The following SLC35F3 variants were observed in gnomAD, a reference collection of about 807,000 sequenced individuals.
The protein encoded by SLC35F3 is solute carrier family 35 member F3, also known as putative thiamine transporter SLC35F3.
SLC35F3 carries 25 observed loss-of-function variants against 49.9 expected under a neutral mutation model. The observed-to-expected ratio is 0.50, with a 90% confidence interval of 0.37 to 0.70. The LOEUF (loss-of-function observed/expected upper bound fraction) is 0.70, where lower values mean the gene tolerates loss of function less well. Ranked by LOEUF, SLC35F3 falls within the 30% of genes least tolerant of loss-of-function variation. The pLI is 0.00. For missense variants in SLC35F3, 525 were observed against 639.8 expected (o/e 0.82, Z 1.94); for synonymous variants, 275 against 265.4 (o/e 1.04, Z -0.35).
chr1:234,096,664 C>A (rs768395526), intron 2 of SLC35F3, among the ~76,000 whole-genome samples: 1 of 152,024 alleles, frequency 6.6e-6, no homozygotes, highest in Non-Finnish European at 1.5e-5. Flanking sequence ...GAGCTAGATT[C>A]TTAGTCTGAA....
intron 2 of SLC35F3, among the ~76,000 whole-genome samples, chr1:233,980,558 C>G (rs1296342310): frequency 6.6e-6 from 1 of 152,214 alleles, no homozygotes; most frequent in African/African-American, 2.4e-5. Flanking sequence ...ATTGGCTCTT[C>G]TTCTGGCCCT....
At chr1:234,144,060 C>T (rs1368566938) in intron 2 of SLC35F3, among the ~76,000 whole-genome samples, 1 of 151,276 alleles carries the variant, frequency 6.6e-6, no homozygotes, top group Non-Finnish European at 1.5e-5. Flanking sequence ...AGGATGAATG[C>T]TGGTACTCCA....
At chr1:234,107,597 C>T (rs142898869) in intron 2 of SLC35F3, among the ~76,000 whole-genome samples, 19 of 151,834 alleles carry the variant, frequency 1.3e-4, no homozygotes, top group Admixed American at 3.3e-4. Flanking sequence ...AGATGAAGCA[C>T]CCTAAAGCAG....
chr1:234,092,755 C>G (rs1665063053), intron 2 of SLC35F3, among the ~76,000 whole-genome samples: 1 of 152,136 alleles, frequency 6.6e-6, no homozygotes, highest in South Asian at 2.1e-4. Flanking sequence ...ATAGTCCCAG[C>G]TACTCGGGAA....
At chr1:234,228,762 A>G (rs1667324940) in intron 2 of SLC35F3, among the ~76,000 whole-genome samples, 1 of 152,188 alleles carries the variant, frequency 6.6e-6, no homozygotes, top group South Asian at 2.1e-4. Flanking sequence ...TGTGTGTTGC[A>G]CAGACACAAA....
chr1:233,955,688 G>A (rs762952067), intron 2 of SLC35F3, among the ~76,000 whole-genome samples: 65 of 151,248 alleles, frequency 4.3e-4, no homozygotes, highest in African/African-American at 6.6e-4. Context: ...GCCTCTGATC[G>A]TTCACACTGA....
intron 2 of SLC35F3, among the ~76,000 whole-genome samples, chr1:234,146,750 G>A (rs1043520909): frequency 1.3e-5 from 2 of 151,996 alleles, no homozygotes; most frequent in African/African-American, 4.8e-5. Context: ...CCGACTTCAG[G>A]TAATCCACCC....
At chr1:234,232,079 G>T (rs1667387991) in intron 3 of SLC35F3, among the ~76,000 whole-genome samples, 1 of 152,170 alleles carries the variant, frequency 6.6e-6, no homozygotes, top group South Asian at 2.1e-4. Flanking sequence ...CAGCAAGCTT[G>T]GGGTGAGGAC....
intron 3 of SLC35F3, among the ~76,000 whole-genome samples, chr1:234,297,161 G>A (rs574822836): frequency 1.2e-4 from 18 of 152,314 alleles, no homozygotes; most frequent in Non-Finnish European, 2.2e-4. Flanking sequence ...ACAAGTGTTA[G>A]TGATAATATG....
intron 2 of SLC35F3, among the ~76,000 whole-genome samples, chr1:234,032,913 G>A (rs12752490): frequency 0.14 from 21,900 of 152,022 alleles, 1,747 homozygotes; most frequent in Non-Finnish European, 0.19. Flanking sequence ...ATGGTAGATC[G>A]ACTTTTATTT....
intron 2 of SLC35F3, among the ~76,000 whole-genome samples, chr1:234,093,453 G>A (rs1665074008): frequency 6.6e-6 from 1 of 152,144 alleles, no homozygotes; most frequent in Non-Finnish European, 1.5e-5. Flanking sequence ...CCTACCTTGA[G>A]GCTTTTGTTT....
At chr1:234,041,012 G>A (rs554745051) in intron 2 of SLC35F3, among the ~76,000 whole-genome samples, 57 of 152,144 alleles carry the variant, frequency 3.7e-4, no homozygotes, top group African/African-American at 1.3e-3. Context: ...ACCTTTCATG[G>A]GTAGAAACAC....
At chr1:233,916,770 C>T (rs1661979288) in intron 2 of SLC35F3, among the ~76,000 whole-genome samples, 1 of 152,160 alleles carries the variant, frequency 6.6e-6, no homozygotes, top group Non-Finnish European at 1.5e-5. Flanking sequence ...GAATATTTTT[C>T]AGCAGGACAC....
chr1:234,320,950 C>T lies in SLC35F3; in HGVS notation c.1237+763C>T, dbSNP rs1317444311. ...CAGAAAAGGGCTGTGAATCTGTCCTCCCCAGAACACTCACTCCTTTGTCCC... is the reference window on the plus strand; with the variant it reads ...CAGAAAAGGGCTGTGAATCTGTCCTTCCCAGAACACTCACTCCTTTGTCCC... On this transcript the variant is annotated intron_variant, in intron 7 of 7. Coordinates refer to ENST00000366618, the MANE Select transcript of SLC35F3 (RefSeq NM_173508.4). The surrounding 1 kb of genome is among the most constrained non-coding windows in gnomAD (Gnocchi z 4.8). Among the ~76,000 whole-genome samples the T allele has an allele frequency of 6.6e-6, 1 of 152,154 alleles. No homozygotes were observed. Among genetic ancestry groups the T allele is most frequent in the Non-Finnish European group, 1.5e-5 (1 of 68,024 alleles).
chr1:234,253,253 G>A (rs1667765634), intron 3 of SLC35F3, among the ~76,000 whole-genome samples: 1 of 152,054 alleles, frequency 6.6e-6, no homozygotes, highest in Non-Finnish European at 1.5e-5. Context: ...TTGAACCCGG[G>A]AGGCAGAGGT....
intron 2 of SLC35F3, among the ~76,000 whole-genome samples, chr1:234,075,083 T>C (rs16842517): frequency 0.015 from 2,279 of 152,270 alleles, 64 homozygotes; most frequent in African/African-American, 0.052. Flanking sequence ...GGTAGTGAGA[T>C]ACACCGATGA....
intron 2 of SLC35F3, among the ~76,000 whole-genome samples, chr1:234,090,086 G>A (rs1020218556): frequency 6.6e-6 from 1 of 152,250 alleles, no homozygotes; most frequent in African/African-American, 2.4e-5. Flanking sequence ...AGGCTCTTTG[G>A]TGTGACAATT....
rs1394716401 is a variant in SLC35F3, at chr1:233,992,107, C to A, written c.283+86349C>A. Among the ~76,000 whole-genome samples the A allele has an allele frequency of 2.0e-5, 3 of 152,142 alleles. No individual in the cohort carries two copies. The East Asian group carries it at 5.8e-4, about 29-fold the overall frequency. Reference sequence around the variant, plus strand: ...CACGATGGTGAGCAACCTTCCAATCCCAGACGGCCGTGGTGCTCTCTGGAC... The same window carrying A: ...CACGATGGTGAGCAACCTTCCAATCACAGACGGCCGTGGTGCTCTCTGGAC... On this transcript the variant is annotated intron_variant, in intron 2 of 7. Coordinates refer to ENST00000366618, the MANE Select transcript of SLC35F3 (RefSeq NM_173508.4).
At chr1:234,217,850 A>G (rs1364527645) in intron 2 of SLC35F3, among the ~76,000 whole-genome samples, 1 of 150,532 alleles carries the variant, frequency 6.6e-6, no homozygotes, top group Non-Finnish European at 1.5e-5. Flanking sequence ...TTCCTGAGGA[A>G]CAGGCCTTTC....
Sources: gnomAD v4.1 joint callset for allele counts (sites outside exome capture counted in the v4.1 genomes callset) on GRCh38, gnomAD v4.1.1 for gene constraint, Gnocchi (gnomAD v3.1) non-coding constraint, MANE v1.5 for transcripts, NCBI Gene and HGNC (gene_info 2026-07-23, HGNC 2026-07-21) for gene names.